IGF1R: variants seen among roughly 807,000 people sequenced by gnomAD.
The protein encoded by IGF1R is insulin like growth factor 1 receptor, also known as insulin-like growth factor 1 receptor.
Under a neutral mutation model 144.6 loss-of-function variants are expected in IGF1R, and 44 were observed. The ratio of observed to expected loss-of-function variants is 0.30; its 90% CI spans 0.24 to 0.39. The LOEUF is 0.39. Among genes scored for constraint, IGF1R ranks in the 10% least tolerant of loss-of-function variants. IGF1R has a pLI of 1.00. For missense variants in IGF1R, 1,355 were observed against 1,833.7 expected, an observed-to-expected ratio of 0.74 and a Z score of 4.77; for synonymous variants, 795 against 722.8, an observed-to-expected ratio of 1.10 and a Z score of -1.60.
chr15:98,854,304 G>T (rs2011670416), intron 2 of IGF1R, among the ~76,000 whole-genome samples: 1 of 152,080 alleles, frequency 6.6e-6, no homozygotes, highest in Admixed American at 6.5e-5. Context: ...TTACTCATCT[G>T]GGCCAGGTGC....
At chr15:98,701,839 C>CATTAA (rs1310966892) in intron 1 of IGF1R, among the ~76,000 whole-genome samples, 1 of 152,116 alleles carries the variant, frequency 6.6e-6, no homozygotes, top group Non-Finnish European at 1.5e-5. Flanking sequence ...TTAATGTTTA[C>CATTAA]TTAATAACAG....
chr15:98,885,429 A>C (rs984688205), intron 2 of IGF1R, among the ~76,000 whole-genome samples: 1 of 151,950 alleles, frequency 6.6e-6, no homozygotes. Context: ...GTGTTGTCTC[A>C]TGGTCAGTTC....
At chr15:98,748,277 C>T (rs1277561710) in intron 2 of IGF1R, among the ~76,000 whole-genome samples, 1 of 152,156 alleles carries the variant, frequency 6.6e-6, no homozygotes, top group Non-Finnish European at 1.5e-5. Context: ...AGGGATCCTC[C>T]TTTTTCAGCC....
chr15:98,910,186 G>T lies in IGF1R; in HGVS notation c.1463-1129G>T, dbSNP rs75599924. 5.0e-3 allele frequency among the ~76,000 whole-genome samples: 768 copies of T among 152,266 alleles called. 5 individuals are homozygous for T. The highest frequency in any genetic ancestry group is 0.015 in the Admixed American group (224 of 15,296). ...GGGCTGAACAGCAGGCTGACGACCA[G>T]CGCCGCCTCCCGCCCCCTGCTCACT... On this transcript the variant is annotated intron_variant, in intron 6 of 20. Transcript: ENST00000650285.
At chr15:98,788,745 C>T (rs1488752239) in intron 2 of IGF1R, among the ~76,000 whole-genome samples, 3 of 152,208 alleles carry the variant, frequency 2.0e-5, no homozygotes, top group Non-Finnish European at 4.4e-5. Flanking sequence ...GGTGATTCAG[C>T]TCCAGGTGGA....
At chr15:98,661,611 C>A (rs1004180485) in intron 1 of IGF1R, among the ~76,000 whole-genome samples, 1 of 152,164 alleles carries the variant, frequency 6.6e-6, no homozygotes, top group Admixed American at 6.5e-5. Flanking sequence ...CTTCTCCGTG[C>A]GGTTTGCATA....
intron 1 of IGF1R, among the ~76,000 whole-genome samples, chr15:98,665,038 A>G (rs990833351): frequency 1.3e-5 from 2 of 150,394 alleles, no homozygotes; most frequent in African/African-American, 2.5e-5. Flanking sequence ...GCTCACTGCA[A>G]GCTCCACCTC....
chr15:98,710,841 A>G (rs951266343), intron 2 of IGF1R, among the ~76,000 whole-genome samples: 3 of 151,354 alleles, frequency 2.0e-5, no homozygotes, highest in Non-Finnish European at 2.9e-5. Flanking sequence ...TAATTTTTGT[A>G]TTTTAACTGG....
intron 2 of IGF1R, among the ~76,000 whole-genome samples, chr15:98,733,305 C>T (rs1038436977): frequency 1.3e-5 from 2 of 152,078 alleles, no homozygotes; most frequent in Non-Finnish European, 2.9e-5. Context: ...GCCTCAGCCT[C>T]CTGCCTCTGG....
chr15:98,727,662 C>CA (rs1308134604), intron 2 of IGF1R, among the ~76,000 whole-genome samples: 2 of 152,162 alleles, frequency 1.3e-5, no homozygotes, highest in African/African-American at 4.8e-5. Context: ...GCATTATACC[C>CA]AGGGGCTGGA....
intron 2 of IGF1R, among the ~76,000 whole-genome samples, chr15:98,807,174 A>G (rs892402335): frequency 6.6e-6 from 1 of 152,194 alleles, no homozygotes; most frequent in East Asian, 1.9e-4. Flanking sequence ...GATTTTTATA[A>G]ATCCAAATGA....
chr15:98,734,256 A>AAC (rs1432952894), intron 2 of IGF1R, among the ~76,000 whole-genome samples: 6 of 152,208 alleles, frequency 3.9e-5, no homozygotes, highest in African/African-American at 1.4e-4. Context: ...GCTCAGTAGT[A>AAC]TTAACCTGAA....
At position 98,869,434 on chromosome 15, in the gene IGF1R, C is replaced by CTTTTTT. The variant is rs60569365; in HGVS notation, c.641-21878_641-21873dup. Among the ~76,000 whole-genome samples, 433 of 134,920 alleles carry CTTTTTT rather than the reference C, an allele frequency of 3.2e-3. 1 individual carries two copies. Among genetic ancestry groups the CTTTTTT allele is most frequent in the African/African-American group, 0.012 (415 of 36,056 alleles). The allele number at this position is 134,920 out of a possible 152,430, so 88.5% of individuals were successfully genotyped here. A position where few individuals can be genotyped will look rare whatever the true frequency, so the allele number is the denominator to read the frequency against. Reference sequence around the variant, plus strand: ...CCTGGAACCTGGCTCCCTTGAGATTCTTTTTTTTTTTTTTTTTTAGACGGC... The same window carrying CTTTTTT: ...CCTGGAACCTGGCTCCCTTGAGATTCTTTTTTTTTTTTTTTTTTTTTTTTAGACGGC... On this transcript the variant is annotated intron_variant, in intron 2 of 20. Transcript: ENST00000650285.
intron 2 of IGF1R, among the ~76,000 whole-genome samples, chr15:98,799,342 A>T (rs980118963): frequency 6.9e-6 from 1 of 145,542 alleles, no homozygotes; most frequent in Non-Finnish European, 1.5e-5. Context: ...CTTTCATTGG[A>T]TAGCTAGAAG....
At chr15:98,813,466 T>A (rs1268669391) in intron 2 of IGF1R, among the ~76,000 whole-genome samples, 1 of 152,182 alleles carries the variant, frequency 6.6e-6, no homozygotes, top group East Asian at 1.9e-4. Context: ...CTTGTGTGAT[T>A]TATTCCTTCC....
At chr15:98,825,335 G>T (rs1330230360) in intron 2 of IGF1R, among the ~76,000 whole-genome samples, 1 of 152,166 alleles carries the variant, frequency 6.6e-6, no homozygotes, top group Admixed American at 6.5e-5. Flanking sequence ...TTTATAAAAT[G>T]GTGTGATATT....
At chr15:98,812,105 T>C (rs933772788) in intron 2 of IGF1R, among the ~76,000 whole-genome samples, 1 of 152,208 alleles carries the variant, frequency 6.6e-6, no homozygotes, top group African/African-American at 2.4e-5. Flanking sequence ...CGAAACCACA[T>C]CGTTGAGATT....
intron 2 of IGF1R, among the ~76,000 whole-genome samples, chr15:98,718,056 C>T (rs2054163099): frequency 6.6e-6 from 1 of 152,194 alleles, no homozygotes; most frequent in African/African-American, 2.4e-5. Flanking sequence ...CCTCCTCTCA[C>T]CCCCATTGCA....
rs2052253892 is a variant in IGF1R at position 98,648,736 on chromosome 15, G to A, written c.-846G>A. 6.8e-6 allele frequency among the ~76,000 whole-genome samples: 1 copy of A among 147,100 alleles called. No individual in the cohort carries two copies. The highest frequency in any genetic ancestry group is 6.7e-5 in the Admixed American group (1 of 14,874). On this transcript the variant is annotated 5_prime_UTR_variant, in exon 1 of 21. Coordinates refer to ENST00000650285, the MANE Select transcript of IGF1R (RefSeq NM_000875.5). ...CCGGCGCTCGCAGACCCTCGGCCCC[G>A]CTCCCCGGATCCCCCCGCGCCCTCC...
Sources: allele counts gnomAD v4.1 joint callset (sites outside exome capture counted in the v4.1 genomes callset), GRCh38; gene constraint gnomAD v4.1.1; transcripts MANE v1.5; gene names NCBI Gene and HGNC (gene_info 2026-07-23, HGNC 2026-07-21).